PARD3: variants seen among roughly 807,000 people sequenced by gnomAD.
PARD3 encodes the protein par-3 family cell polarity regulator, also known as partitioning defective 3 homolog.
In PARD3, 75 loss-of-function variants were observed where a neutral mutation model predicts 155.4. That is an observed-to-expected ratio of 0.48 (90% CI 0.40 to 0.58). The LOEUF is 0.58. PARD3 is among the 20% of genes least tolerant of loss of function. The probability of loss-of-function intolerance (pLI) is 0.00; values close to 1 mark genes in which losing one functional copy is unlikely to be tolerated. For synonymous variants in PARD3, 576 were observed against 610.5 expected (o/e 0.94, Z 0.83); for missense variants, 1,642 against 1,721.7 (o/e 0.95, Z 0.82).
chr10:34,549,200 T>C (rs1429169932), intron 2 of PARD3, among the ~76,000 whole-genome samples: 2 of 152,216 alleles, frequency 1.3e-5, no homozygotes. Context: ...AAGAGCTCTG[T>C]GGGGATTATG....
At chr10:34,225,494 C>T (rs994119632) in intron 22 of PARD3, among the ~76,000 whole-genome samples, 2 of 151,936 alleles carry the variant, frequency 1.3e-5, no homozygotes, top group South Asian at 4.2e-4. Context: ...TACAGGCACA[C>T]GCCACCACAC....
intron 2 of PARD3, among the ~76,000 whole-genome samples, chr10:34,661,085 A>G (rs568745088): frequency 3.1e-4 from 47 of 152,342 alleles, no homozygotes; most frequent in African/African-American, 1.1e-3. Flanking sequence ...TCAGATTATG[A>G]CTAATGGGAC....
In PARD3 at chr10:34,630,802, GATTTATTTATTT is replaced by G. The variant is rs111251881; in HGVS notation, c.222+65504_222+65515del. On this transcript the variant is annotated intron_variant, in intron 2 of 24. Transcript: ENST00000374788. ...ACACACATAGTGATTTCTGTAAACA[GATTTATTTATTT>G]ATTTATTTATTTATTTATTTATTTA... 8.3e-3 allele frequency among the ~76,000 whole-genome samples: 1,220 copies of G among 146,244 alleles called. 17 individuals carry two copies. The highest frequency in any genetic ancestry group is 0.029 in the African/African-American group (1,118 of 38,974).
chr10:34,195,911 C>T (rs1244869161), intron 22 of PARD3, among the ~76,000 whole-genome samples: 1 of 152,188 alleles, frequency 6.6e-6, no homozygotes, highest in East Asian at 1.9e-4. Context: ...ACGTGGATAA[C>T]AGTGGTAACT....
At chr10:34,803,234 G>A (rs11597893) in intron 1 of PARD3, among the ~76,000 whole-genome samples, 47,101 of 135,422 alleles carry the variant, frequency 0.35, 7,784 homozygotes, top group African/African-American at 0.48. Flanking sequence ...GTGAGACTCC[G>A]TCTCAAAAAA....
intron 2 of PARD3, among the ~76,000 whole-genome samples, chr10:34,613,036 A>G (rs892550791): frequency 6.6e-6 from 1 of 152,222 alleles, no homozygotes; most frequent in African/African-American, 2.4e-5. Context: ...CAAAGCTACA[A>G]ACAGTACAAA....
intron 22 of PARD3, among the ~76,000 whole-genome samples, chr10:34,213,964 T>C (rs576487703): frequency 5.6e-4 from 86 of 152,310 alleles, no homozygotes; most frequent in African/African-American, 1.8e-3. Flanking sequence ...GGTGTGATCA[T>C]AGCTCACTGT....
rs114699223 is a variant in PARD3, at chr10:34,576,078, T to C, written c.223-58919A>G. On this transcript the variant is annotated intron_variant, in intron 2 of 24. Transcript: ENST00000374788. ...GGCAATGGTTATGTGCAGTCTTGAA[T>C]GAATAAGCAGCAGAATCACTGATGT... 7.4e-3 allele frequency among the ~76,000 whole-genome samples: 1,125 copies of C among 152,252 alleles called. 14 individuals are homozygous for C. The highest frequency in any genetic ancestry group is 0.026 in the African/African-American group (1,074 of 41,546).
intron 1 of PARD3, among the ~76,000 whole-genome samples, chr10:34,789,298 G>GA (rs1192612007): frequency 6.6e-6 from 1 of 152,018 alleles, no homozygotes; most frequent in Non-Finnish European, 1.5e-5. Flanking sequence ...TCTCAAAAAG[G>GA]AAAAAAATTA....
chr10:34,363,723 G>A (rs191542290), intron 12 of PARD3, among the ~76,000 whole-genome samples: 30 of 152,214 alleles, frequency 2.0e-4, no homozygotes, highest in African/African-American at 6.7e-4. Context: ...CGCAAAAAAT[G>A]TCTTTTCTTT....
chr10:34,734,322 C>CTTTTTTTTTTT (rs142307338), intron 1 of PARD3, among the ~76,000 whole-genome samples: 1 of 67,980 alleles, frequency 1.5e-5, no homozygotes, highest in African/African-American at 6.0e-5. Context: ...ATATGGGGCC[C>CTTTTTTTTTTT]TTTTTTTTTT....
chr10:34,112,052 G>A lies in PARD3; in HGVS notation c.3669-490C>T, dbSNP rs79592938. On this transcript the variant is annotated intron_variant, in intron 24 of 24. Coordinates refer to ENST00000374788, the MANE Select transcript of PARD3 (RefSeq NM_001184785.2). Reference sequence around the variant, plus strand: ...CTAGCTAATATGAAGTACATGTAATGGATTACAGTATGAGTTCGGTTATGA... The same window carrying A: ...CTAGCTAATATGAAGTACATGTAATAGATTACAGTATGAGTTCGGTTATGA... 5.3e-3 allele frequency among the ~76,000 whole-genome samples: 806 copies of A among 152,274 alleles called. 7 individuals carry two copies. The highest frequency in any genetic ancestry group is 0.019 in the African/African-American group (770 of 41,560).
At chr10:34,345,637 T>C (rs1394953761) in intron 15 of PARD3, 1 of 985,394 alleles carries the variant, frequency 1.0e-6, no homozygotes, top group Non-Finnish European at 1.2e-6. Context: ...AAAGTCCTAA[T>C]GTCTTTGGAA....
chr10:34,162,888 A>G (rs1949352482), intron 22 of PARD3, among the ~76,000 whole-genome samples: 1 of 151,962 alleles, frequency 6.6e-6, no homozygotes, highest in Admixed American at 6.6e-5. Flanking sequence ...CACTCCCTCA[A>G]CTCCTGGAGG....
intron 20 of PARD3, among the ~76,000 whole-genome samples, chr10:34,296,041 T>C (rs1007521370): frequency 6.6e-6 from 1 of 152,122 alleles, no homozygotes; most frequent in Non-Finnish European, 1.5e-5. Flanking sequence ...GCTAGCTGGG[T>C]TGGGCAGGGA....
chr10:34,301,459 C>T (rs1054223134), intron 20 of PARD3, among the ~76,000 whole-genome samples: 5 of 152,180 alleles, frequency 3.3e-5, no homozygotes, highest in Non-Finnish European at 7.3e-5. Context: ...CCTTCCTCTG[C>T]CCCATTCCTG....
At chr10:34,463,553 T>C (rs1419788234) in intron 4 of PARD3, among the ~76,000 whole-genome samples, 1 of 152,192 alleles carries the variant, frequency 6.6e-6, no homozygotes, top group Non-Finnish European at 1.5e-5. Context: ...GTTGTAGGAC[T>C]TTTAAAAGAC....
chr10:34,303,028 T>C (rs1343164523), intron 20 of PARD3, among the ~76,000 whole-genome samples: 1 of 150,198 alleles, frequency 6.7e-6, no homozygotes. Flanking sequence ...GTTTTACCTC[T>C]CAATTACTAA....
chr10:34,261,779 A>AG lies in PARD3; in HGVS notation c.3419+7877dup, dbSNP rs1371052842. Among the ~76,000 whole-genome samples the AG allele has an allele frequency of 7.4e-3, 699 of 94,908 alleles. 10 individuals carry two copies. Among genetic ancestry groups the AG allele is most frequent in the Non-Finnish European group, 1.0e-2 (415 of 41,676 alleles). 62.3% of individuals were successfully genotyped at this position (94,908 alleles called of 152,430 possible). ...AAGAAAGGAAGGAAGGAAGAAAGAAAGAAAAGAAAGAAAGAAAGAAAGAAA... is the reference window on the plus strand; with the variant it reads ...AAGAAAGGAAGGAAGGAAGAAAGAAAGGAAAAGAAAGAAAGAAAGAAAGAAA... On this transcript the variant is annotated intron_variant, in intron 22 of 24. Transcript: ENST00000374788.
Sources: allele counts gnomAD v4.1 joint callset (sites outside exome capture counted in the v4.1 genomes callset), GRCh38; gene constraint gnomAD v4.1.1; transcripts MANE v1.5; gene names NCBI Gene and HGNC (gene_info 2026-07-23, HGNC 2026-07-21).